The following PEAK1 variants were observed in gnomAD, a reference collection of about 807,000 sequenced individuals.
PEAK1 encodes pseudopodium enriched atypical kinase 1.
PEAK1 carries 54 observed loss-of-function variants against 124.7 expected under a neutral mutation model. The observed-to-expected ratio is 0.43, with a 90% confidence interval of 0.35 to 0.54. The LOEUF is 0.54. PEAK1 is among the 20% of genes least tolerant of loss of function. The pLI, the probability that PEAK1 is intolerant of heterozygous loss-of-function variation, is 0.01. For synonymous variants in PEAK1, 719 were observed against 760.0 expected (o/e 0.95, Z 0.89); for missense variants, 2,046 against 2,134.5 (o/e 0.96, Z 0.82).
chr15:77,403,809 T>C (rs999866348), intron 1 of PEAK1: 3 of 981,402 alleles, frequency 3.1e-6, no homozygotes, highest in East Asian at 1.1e-4. Flanking sequence ...AAAAAGCTTA[T>C]TCAATTCTAT....
intron 1 of PEAK1, among the ~76,000 whole-genome samples, chr15:77,396,453 C>G (rs2141971687): frequency 6.6e-6 from 1 of 152,042 alleles, no homozygotes; most frequent in East Asian, 1.9e-4. Context: ...GAACGAAACT[C>G]TCCTATCAAA....
intron 7 of PEAK1, among the ~76,000 whole-genome samples, chr15:77,164,593 C>T (rs1285313683): frequency 6.6e-6 from 1 of 152,156 alleles, no homozygotes; most frequent in Non-Finnish European, 1.5e-5. Flanking sequence ...CTGTCACTTT[C>T]ACAATACTAA....
chr15:77,288,763 T>C (rs1244908400), intron 2 of PEAK1, among the ~76,000 whole-genome samples: 4 of 152,020 alleles, frequency 2.6e-5, no homozygotes, highest in Admixed American at 1.3e-4. Flanking sequence ...ACCTCATCTC[T>C]ACTAAAAAGA....
chr15:77,150,089 A>C (rs2054472365), intron 8 of PEAK1, among the ~76,000 whole-genome samples: 2 of 152,178 alleles, frequency 1.3e-5, no homozygotes, highest in Admixed American at 6.5e-5. Flanking sequence ...AGGTAGAGAG[A>C]AAGCTATCTT....
At chr15:77,235,561 G>A (rs929970668) in intron 6 of PEAK1, among the ~76,000 whole-genome samples, 8 of 152,178 alleles carry the variant, frequency 5.3e-5, no homozygotes, top group African/African-American at 1.7e-4. Flanking sequence ...AAGAAGCAGA[G>A]CATAAAGGTT....
chr15:77,345,842 T>TA (rs2066842979), intron 2 of PEAK1: 1 of 886,166 alleles, frequency 1.1e-6, no homozygotes, highest in African/African-American at 1.8e-5. Flanking sequence ...ATTAAAGTAT[T>TA]ACATGTATCC....
Position 77,349,393 on chromosome 15 carries a change from T to C in PEAK1, c.-603+15770A>G, listed in dbSNP as rs377093151. 2.1e-5 allele frequency: 21 copies of C among 981,808 alleles called. No individual in the cohort carries two copies. In the East Asian group the frequency reaches 1.7e-3, roughly 80 times the overall value. The allele number at this position is 981,808 out of a possible 1,614,324, so 60.8% of individuals were successfully genotyped here. A position where few individuals can be genotyped will look rare whatever the true frequency, so the allele number is the denominator to read the frequency against. Reference sequence around the variant, plus strand: ...CTACAAAGACATAAATGTTTCCATGTTGTATTTAAGAGAGTCAATCAGTTT... The same window carrying C: ...CTACAAAGACATAAATGTTTCCATGCTGTATTTAAGAGAGTCAATCAGTTT... On this transcript the variant is annotated intron_variant, in intron 2 of 9. Transcript: ENST00000682557.
At chr15:77,394,266 A>T (rs1012745233) in intron 1 of PEAK1, among the ~76,000 whole-genome samples, 1 of 152,200 alleles carries the variant, frequency 6.6e-6, no homozygotes, top group Admixed American at 6.5e-5. Context: ...GTAGAGTTCT[A>T]GTATCTTGAG....
At chr15:77,118,700 C>T (rs1358951490) in intron 9 of PEAK1, among the ~76,000 whole-genome samples, 1 of 152,052 alleles carries the variant, frequency 6.6e-6, no homozygotes, top group Non-Finnish European at 1.5e-5. Flanking sequence ...TCTACTTGTT[C>T]ATGCCAGCTA....
At chr15:77,143,322 C>T (rs777464595) in intron 8 of PEAK1, among the ~76,000 whole-genome samples, 2 of 152,192 alleles carry the variant, frequency 1.3e-5, no homozygotes, top group Non-Finnish European at 2.9e-5. Context: ...GAGGCCCTAT[C>T]ATCCTTGCCT....
intron 6 of PEAK1, among the ~76,000 whole-genome samples, chr15:77,202,018 T>A (rs1166278925): frequency 2.0e-5 from 3 of 152,200 alleles, no homozygotes; most frequent in Admixed American, 6.5e-5. Flanking sequence ...GACTCCAATA[T>A]TGTTCCAAAT....
At chr15:77,269,702 C>T (rs903896671) in intron 5 of PEAK1, among the ~76,000 whole-genome samples, 2 of 152,158 alleles carry the variant, frequency 1.3e-5, no homozygotes, top group African/African-American at 4.8e-5. Flanking sequence ...CTATTCAACA[C>T]ATGGAACATT....
intron 6 of PEAK1, among the ~76,000 whole-genome samples, chr15:77,225,875 A>G (rs1156345083): frequency 1.4e-5 from 2 of 146,942 alleles, no homozygotes; most frequent in African/African-American, 2.5e-5. Flanking sequence ...TGTGTATTTC[A>G]TAAGAGAATG....
intron 6 of PEAK1, among the ~76,000 whole-genome samples, chr15:77,190,707 A>G (rs2057791117): frequency 1.3e-5 from 2 of 152,234 alleles, no homozygotes; most frequent in African/African-American, 2.4e-5. Context: ...TACCAAGTAA[A>G]GACCAAAATG....
At chr15:77,245,031 A>G (rs1396929639) in intron 6 of PEAK1, among the ~76,000 whole-genome samples, 1 of 152,074 alleles carries the variant, frequency 6.6e-6, no homozygotes, top group East Asian at 1.9e-4. Flanking sequence ...TGTTCCAATA[A>G]TTCCCCCTAC....
intron 2 of PEAK1, among the ~76,000 whole-genome samples, chr15:77,315,513 G>C (rs1254830977): frequency 6.6e-6 from 1 of 151,900 alleles, no homozygotes. Flanking sequence ...TCAAATGGTA[G>C]TGTTTTGTAA....
At chr15:77,256,182 G>C (rs2061123493) in intron 5 of PEAK1, among the ~76,000 whole-genome samples, 1 of 152,092 alleles carries the variant, frequency 6.6e-6, no homozygotes, top group African/African-American at 2.4e-5. Flanking sequence ...AACAAAAATA[G>C]GGAGGAAGGA....
chr15:77,219,725 C>T (rs963740726), intron 6 of PEAK1, among the ~76,000 whole-genome samples: 2 of 151,994 alleles, frequency 1.3e-5, no homozygotes, highest in South Asian at 2.1e-4. Context: ...TGAGATACTA[C>T]AAGCAAAAAT....
chr15:77,324,514 T>C (rs2065444663), intron 2 of PEAK1, among the ~76,000 whole-genome samples: 1 of 152,154 alleles, frequency 6.6e-6, no homozygotes, highest in African/African-American at 2.4e-5. Flanking sequence ...AAAAACAATG[T>C]ATTAGGCTGT....
Sources: gnomAD v4.1 joint callset for allele counts (sites outside exome capture counted in the v4.1 genomes callset) on GRCh38, gnomAD v4.1.1 for gene constraint, MANE v1.5 for transcripts, NCBI Gene and HGNC (gene_info 2026-07-23, HGNC 2026-07-21) for gene names.